Variants in PCDHA11 observed in about 807,000 individuals in gnomAD.
The protein encoded by PCDHA11 is protocadherin alpha-11.
A neutral mutation model predicts 70.3 loss-of-function variants in PCDHA11; 61 were observed. That is an observed-to-expected ratio of 0.87 (90% confidence interval 0.71 to 1.07). The LOEUF (loss-of-function observed/expected upper bound fraction) is 1.07, where lower values mean the gene tolerates loss of function less well. PCDHA11 is among the 50% of genes least tolerant of loss of function. The pLI is 0.00. For synonymous variants in PCDHA11, 633 were observed against 555.1 expected (o/e 1.14, Z -1.97); for missense variants, 1,324 against 1,237.5 (o/e 1.07, Z -1.05).
intron 1 of PCDHA11, among the ~76,000 whole-genome samples, chr5:140,962,168 C>A (rs1207333516): frequency 1.3e-5 from 2 of 152,152 alleles, no homozygotes; most frequent in African/African-American, 4.8e-5. Flanking sequence ...AGCCACCACA[C>A]CCGGCCACTT....
Position 140,870,385 on chromosome 5 carries a change from G to C in PCDHA11, c.1282G>C (p.Asp428His), listed in dbSNP as rs548890657. The change falls in exon 1 of 4, where the codon GAT (aspartate) becomes CAT (histidine). Residue 428 changes from aspartate (D) to histidine (H), a missense_variant. Asp to His is a moderately conservative substitution (Grantham distance 81). Transcript: ENST00000398640. ...CTATGAACTGGTGGTGACTGCGCGG[G>C]ATGGGGGTTCGCCTTCTCTGTGGGC... ...WAYELVVTAR[D>H]GGSPSLWATA... 2 of 1,614,240 alleles carry C rather than the reference G, an allele frequency of 1.2e-6. No individual in the cohort carries two copies. Among genetic ancestry groups the C allele is most frequent in the African/African-American group, 2.7e-5 (2 of 75,066 alleles).
chr5:140,981,625 C>T (rs1554243036), intron 2 of PCDHA11, among the ~76,000 whole-genome samples: 2 of 152,096 alleles, frequency 1.3e-5, no homozygotes, highest in Non-Finnish European at 2.9e-5. Context: ...TGAGGGTTTT[C>T]TTGGACATTT....
chr5:140,971,019 G>A (rs908442935), intron 1 of PCDHA11, among the ~76,000 whole-genome samples: 2 of 152,174 alleles, frequency 1.3e-5, no homozygotes, highest in African/African-American at 2.4e-5. Flanking sequence ...TCTTTAGATC[G>A]TAGCATTTGA....
At chr5:140,928,109 A>C (rs1472439079) in intron 1 of PCDHA11, 1 of 1,613,986 alleles carries the variant, frequency 6.2e-7, no homozygotes, top group African/African-American at 1.3e-5. Context: ...CTGGACCGGG[A>C]GCAGATCAGT....
In PCDHA11 at chr5:140,982,523, G is replaced by A; in HGVS notation, c.2499G>A (p.Gly833=). Residue 833 remains glycine (G), a synonymous_variant, in exon 3 of 4, where the codon GGG becomes GGA. Coordinates refer to ENST00000398640, the MANE Select transcript of PCDHA11 (RefSeq NM_018902.5). ...EAGILRAGPG[G]PDQQWPTVSS... ...GCATTCTACGGGCTGGTCCAGGAGGGCCTGATCAGCAGTGGCCAACAGTAT... is the reference window on the plus strand; with the variant it reads ...GCATTCTACGGGCTGGTCCAGGAGGACCTGATCAGCAGTGGCCAACAGTAT... 6.2e-7 allele frequency: 1 copy of A among 1,614,220 alleles called. No individual in the cohort carries two copies. The highest frequency in any genetic ancestry group is 8.5e-7 in the Non-Finnish European group (1 of 1,180,034).
intron 1 of PCDHA11, among the ~76,000 whole-genome samples, chr5:140,903,726 A>G (rs2070539731): frequency 6.6e-6 from 1 of 152,248 alleles, no homozygotes; most frequent in South Asian, 2.1e-4. Context: ...TCTCCCTATT[A>G]TCAATTATTA....
chr5:140,904,738 A>T (rs1373664313), intron 1 of PCDHA11, among the ~76,000 whole-genome samples: 1 of 152,012 alleles, frequency 6.6e-6, no homozygotes, highest in African/African-American at 2.4e-5. Context: ...TTATTTTTTT[A>T]TTATGACCAT....
intron 1 of PCDHA11, chr5:140,883,245 G>A (rs267600403): frequency 6.2e-7 from 1 of 1,613,898 alleles, no homozygotes; most frequent in Non-Finnish European, 8.5e-7. Flanking sequence ...GTTGACAAAG[G>A]AAATATTCCA....
At chr5:140,990,314 C>G (rs1295117014) in intron 3 of PCDHA11, among the ~76,000 whole-genome samples, 1 of 152,094 alleles carries the variant, frequency 6.6e-6, no homozygotes, top group East Asian at 1.9e-4. Flanking sequence ...AAAAAACCAA[C>G]CAAACAAACT....
At chr5:140,904,214 C>T (rs2070953663) in intron 1 of PCDHA11, among the ~76,000 whole-genome samples, 1 of 151,882 alleles carries the variant, frequency 6.6e-6, no homozygotes, top group South Asian at 2.1e-4. Flanking sequence ...TCCCCAAAGT[C>T]CATTGTATTA....
intron 3 of PCDHA11, among the ~76,000 whole-genome samples, chr5:141,002,135 G>C (rs1265359430): frequency 2.6e-5 from 4 of 152,236 alleles, no homozygotes; most frequent in Admixed American, 2.6e-4. Flanking sequence ...AGCCTTTGCC[G>C]GCTGCACTGA....
intron 1 of PCDHA11, chr5:140,877,223 C>G: frequency 6.2e-7 from 1 of 1,613,714 alleles, no homozygotes; most frequent in Non-Finnish European, 8.5e-7. Flanking sequence ...GTACCGCGGT[C>G]GGTGGGTGCG....
At chr5:140,879,141 G>T (rs1413837977) in intron 1 of PCDHA11, among the ~76,000 whole-genome samples, 1 of 152,192 alleles carries the variant, frequency 6.6e-6, no homozygotes, top group Non-Finnish European at 1.5e-5. Flanking sequence ...GATTGTGAAG[G>T]CAGGAAAGCT....
intron 1 of PCDHA11, among the ~76,000 whole-genome samples, chr5:140,937,306 G>A (rs994842470): frequency 4.3e-4 from 66 of 152,048 alleles, no homozygotes; most frequent in African/African-American, 1.6e-3. Flanking sequence ...CAAAGTGCTG[G>A]GATTACAGGC....
chr5:140,983,768 T>G (rs1236827804), intron 3 of PCDHA11, among the ~76,000 whole-genome samples: 2 of 152,196 alleles, frequency 1.3e-5, no homozygotes, highest in African/African-American at 4.8e-5. Context: ...CAAATACATA[T>G]CTACATACAT....
chr5:140,933,332 G>A (rs2089060279), intron 1 of PCDHA11, among the ~76,000 whole-genome samples: 1 of 151,968 alleles, frequency 6.6e-6, no homozygotes, highest in African/African-American at 2.4e-5. Context: ...CTGTGCTGTA[G>A]AGAAAGATAA....
chr5:140,934,925 A>G (rs2090105619), intron 1 of PCDHA11, among the ~76,000 whole-genome samples: 1 of 152,196 alleles, frequency 6.6e-6, no homozygotes, highest in African/African-American at 2.4e-5. Context: ...ATTCACATAA[A>G]GTTACAAAAC....
chr5:140,876,948 C>T, intron 1 of PCDHA11: 2 of 1,613,572 alleles, frequency 1.2e-6, no homozygotes, highest in Non-Finnish European at 1.7e-6. Context: ...TGGTGTCCTA[C>T]TCGCTGGTGG....
At chr5:140,918,848 G>T (rs2078891260) in intron 1 of PCDHA11, among the ~76,000 whole-genome samples, 1 of 152,134 alleles carries the variant, frequency 6.6e-6, no homozygotes, top group Admixed American at 6.5e-5. Flanking sequence ...TAAATCTGCT[G>T]GTGCCTGAAT....
Sources: allele counts gnomAD v4.1 joint callset (sites outside exome capture counted in the v4.1 genomes callset), GRCh38; gene constraint gnomAD v4.1.1; transcripts MANE v1.5; gene names NCBI Gene and HGNC (gene_info 2026-07-23, HGNC 2026-07-21).